Variants in TENM4 observed in about 807,000 individuals in gnomAD.
The protein encoded by TENM4 is teneurin-4.
A neutral mutation model predicts 243.3 loss-of-function variants in TENM4; 82 were observed. That is an observed-to-expected ratio of 0.34 (90% CI 0.28 to 0.40). The LOEUF (loss-of-function observed/expected upper bound fraction) is 0.40. Among genes scored for constraint, TENM4 ranks in the 10% least tolerant of loss-of-function variants. The pLI, the probability that TENM4 is intolerant of heterozygous loss-of-function variation, is 1.00. For synonymous variants in TENM4, 1,412 were observed against 1,456.3 expected, an observed-to-expected ratio of 0.97 and a Z score of 0.69; for missense variants, 3,138 against 3,673.3, an observed-to-expected ratio of 0.85 and a Z score of 3.77.
intron 15 of TENM4, among the ~76,000 whole-genome samples, chr11:78,789,266 C>T (rs1857004345): frequency 6.7e-6 from 1 of 150,216 alleles, no homozygotes; most frequent in African/African-American, 2.4e-5. Flanking sequence ...GCCCACCTGT[C>T]TGTTTCTCTC....
At chr11:79,392,845 G>A (rs986229457) in intron 1 of TENM4, among the ~76,000 whole-genome samples, 4 of 152,138 alleles carry the variant, frequency 2.6e-5, no homozygotes, top group African/African-American at 9.7e-5. Context: ...CTTTCTCTCC[G>A]TTTGACCAAA....
At chr11:79,242,431 G>T (rs751735904) in intron 2 of TENM4, among the ~76,000 whole-genome samples, 6 of 152,064 alleles carry the variant, frequency 3.9e-5, no homozygotes, top group African/African-American at 1.4e-4. Context: ...AAAATCATCC[G>T]CAATCCTACC....
intron 2 of TENM4, among the ~76,000 whole-genome samples, chr11:79,280,433 G>A (rs1470173565): frequency 1.3e-5 from 2 of 152,214 alleles, no homozygotes; most frequent in Non-Finnish European, 2.9e-5. Flanking sequence ...TCCAGGGCCT[G>A]GCTCTGGGCT....
chr11:78,771,434 G>A (rs918245695), intron 17 of TENM4, among the ~76,000 whole-genome samples: 3 of 152,206 alleles, frequency 2.0e-5, no homozygotes, highest in African/African-American at 7.2e-5. Context: ...CCGGGATTCT[G>A]GAGCCGGAGT....
chr11:79,358,417 A>G (rs531028306), intron 1 of TENM4, among the ~76,000 whole-genome samples: 2 of 152,326 alleles, frequency 1.3e-5, no homozygotes, highest in South Asian at 4.2e-4. Context: ...CTCAGGACCC[A>G]AAGCAGAGGC....
chr11:79,388,623 C>T (rs1245394057), intron 1 of TENM4, among the ~76,000 whole-genome samples: 1 of 152,130 alleles, frequency 6.6e-6, no homozygotes, highest in Non-Finnish European at 1.5e-5. Context: ...TTAGTTTGTG[C>T]CTAATCCCTT....
intron 30 of TENM4, among the ~76,000 whole-genome samples, chr11:78,674,852 G>T (rs1565327245): frequency 6.6e-6 from 1 of 151,818 alleles, no homozygotes; most frequent in Non-Finnish European, 1.5e-5. Context: ...TTCTGTAGCT[G>T]CTGTGGGCCT....
intron 25 of TENM4, among the ~76,000 whole-genome samples, chr11:78,719,441 T>C (rs1340409944): frequency 6.6e-6 from 1 of 152,242 alleles, no homozygotes; most frequent in Non-Finnish European, 1.5e-5. Flanking sequence ...AATTATTACA[T>C]GAATAATGAA....
rs1318924631 is a variant in TENM4, at chr11:78,820,575, T to C, written c.1682-6180A>G. On this transcript the variant is annotated intron_variant, in intron 12 of 33. Transcript: ENST00000278550. ...TTGGCCCAGGACCTGGCAGAGCTGG[T>C]ATTTTGGTTTTAAGGAAGGGTCACA... is the stretch of plus-strand genomic sequence containing the variant. 3.3e-5 allele frequency among the ~76,000 whole-genome samples: 5 copies of C among 152,178 alleles called. No individual in the cohort carries two copies. In the South Asian group the frequency reaches 1.0e-3, roughly 32 times the overall value.
chr11:79,198,325 A>G (rs1342689100), intron 3 of TENM4, among the ~76,000 whole-genome samples: 5 of 152,184 alleles, frequency 3.3e-5, no homozygotes, highest in African/African-American at 7.2e-5. Context: ...ACCAGGCCAC[A>G]TAAACTAAAC....
In TENM4 at chr11:79,051,259, C is replaced by T. The variant is rs557914732; in HGVS notation, c.493+13479G>A. 1.1e-4 allele frequency among the ~76,000 whole-genome samples: 17 copies of T among 152,206 alleles called. No individual in the cohort carries two copies. In the East Asian group the frequency reaches 2.5e-3, roughly 22 times the overall value. ...TACAACCACACTGTGAGAGAGATACCAGAATTATCCCCATTTTACGGGTGA... is the reference window on the plus strand; with the variant it reads ...TACAACCACACTGTGAGAGAGATACTAGAATTATCCCCATTTTACGGGTGA... On this transcript the variant is annotated intron_variant, in intron 6 of 33. Transcript: ENST00000278550.
At chr11:78,807,642 G>A (rs1228142153) in intron 14 of TENM4, among the ~76,000 whole-genome samples, 2 of 152,244 alleles carry the variant, frequency 1.3e-5, no homozygotes, top group Admixed American at 1.3e-4. Flanking sequence ...GGGAGGTAGG[G>A]ATGCTATTCA....
chr11:78,879,277 G>A (rs1257358679), intron 9 of TENM4, among the ~76,000 whole-genome samples: 6 of 126,280 alleles, frequency 4.8e-5, no homozygotes, highest in African/African-American at 1.8e-4. Context: ...CAGCCGCCCT[G>A]TCTGGGATGT....
chr11:79,439,496 T>G (rs1356904490), intron 1 of TENM4, among the ~76,000 whole-genome samples: 1 of 152,126 alleles, frequency 6.6e-6, no homozygotes, highest in African/African-American at 2.4e-5. Flanking sequence ...ACCACGCAGC[T>G]GAATTTCCAG....
At chr11:79,337,444 A>G (rs1416420925) in intron 1 of TENM4, among the ~76,000 whole-genome samples, 1 of 152,120 alleles carries the variant, frequency 6.6e-6, no homozygotes, top group Non-Finnish European at 1.5e-5. Context: ...CTGTCCAGTG[A>G]CCTGTGATTT....
intron 2 of TENM4, among the ~76,000 whole-genome samples, chr11:79,284,142 T>C (rs897705571): frequency 1.3e-5 from 2 of 152,226 alleles, no homozygotes; most frequent in South Asian, 2.1e-4. Flanking sequence ...AATTTATTTA[T>C]AGATTTAATG....
chr11:78,960,339 A>G (rs564301448), intron 6 of TENM4, among the ~76,000 whole-genome samples: 14 of 152,266 alleles, frequency 9.2e-5, no homozygotes, highest in Non-Finnish European at 1.6e-4. Context: ...AGAATCATCA[A>G]GGACAAAGAT....
At chr11:79,076,574 T>C (rs974731004) in intron 4 of TENM4, among the ~76,000 whole-genome samples, 19 of 152,094 alleles carry the variant, frequency 1.2e-4, no homozygotes, top group African/African-American at 4.3e-4. Flanking sequence ...CCACAACACG[T>C]GGGAATTCAA....
chr11:79,311,616 C>T (rs142667245), intron 1 of TENM4, among the ~76,000 whole-genome samples: 1 of 152,236 alleles, frequency 6.6e-6, no homozygotes, highest in East Asian at 1.9e-4. Context: ...AATTTATGTG[C>T]CTCTTTCTGG....
Sources: allele counts gnomAD v4.1 joint callset (sites outside exome capture counted in the v4.1 genomes callset), GRCh38; gene constraint gnomAD v4.1.1; transcripts MANE v1.5; gene names NCBI Gene and HGNC (gene_info 2026-07-23, HGNC 2026-07-21).